Variants in MICU1 observed in about 807,000 individuals in gnomAD.
MICU1 encodes calcium uptake protein 1, mitochondrial.
Under a neutral mutation model 56.8 loss-of-function variants are expected in MICU1, and 45 were observed. That is an observed-to-expected ratio of 0.79 (90% CI 0.62 to 1.02). MICU1 has a LOEUF of 1.02. MICU1 is among the 50% of genes least tolerant of loss of function. The pLI, the probability that MICU1 is intolerant of heterozygous loss-of-function variation, is 0.00. For synonymous variants in MICU1, 186 were observed against 195.1 expected, an observed-to-expected ratio of 0.95 and a Z score of 0.39; for missense variants, 504 against 587.1, an observed-to-expected ratio of 0.86 and a Z score of 1.46.
At chr10:72,620,219 C>T (rs776304211) in intron 1 of MICU1, among the ~76,000 whole-genome samples, 1 of 152,158 alleles carries the variant, frequency 6.6e-6, no homozygotes, top group Non-Finnish European at 1.5e-5. Context: ...GAGTCTCACT[C>T]TGTCGCCCAG....
At chr10:72,386,405 C>T (rs1463638935) in intron 10 of MICU1, among the ~76,000 whole-genome samples, 1 of 152,142 alleles carries the variant, frequency 6.6e-6, no homozygotes. Flanking sequence ...TCGTCTTGAA[C>T]TCCTGACCTC....
chr10:72,456,849 T>TG (rs1865474537), intron 8 of MICU1, among the ~76,000 whole-genome samples: 2 of 134,548 alleles, frequency 1.5e-5, no homozygotes, highest in Non-Finnish European at 3.1e-5. Context: ...CGGGCTCATT[T>TG]TGTGTGTGTG....
chr10:72,455,223 G>A (rs896656191), intron 8 of MICU1, among the ~76,000 whole-genome samples: 2 of 151,504 alleles, frequency 1.3e-5, no homozygotes, highest in Admixed American at 1.3e-4. Flanking sequence ...GTGGTGGTGG[G>A]CGCCTGTAAT....
In MICU1 at chr10:72,368,311, G is replaced by A. The variant is rs1862214522; in HGVS notation, c.1315C>T (p.Gln439Ter). ...TTTTCCAGGCCTCTCATCAGCCGTT[G>A]CTTCATGATGGAAACAAATTCCTTA... is the stretch of plus-strand genomic sequence containing the variant. ...SNKEFVSIMK[Q>*]RLMRGLEKPK... Residue 439 changes from glutamine to a stop codon, truncating the protein, a stop_gained, in exon 12 of 12, where the codon CAA (glutamine) becomes TAA (stop). Transcript: ENST00000361114. LOFTEE classifies it high-confidence loss of function. 1 of 1,613,850 alleles carries A rather than the reference G, an allele frequency of 6.2e-7. No homozygotes were observed. The highest frequency in any genetic ancestry group is 1.7e-5 in the Admixed American group (1 of 60,004).
At position 72,477,954 on chromosome 10, in the gene MICU1, C is replaced by T. The variant is rs555955012; in HGVS notation, c.653-698G>A. 7.9e-5 allele frequency among the ~76,000 whole-genome samples: 12 copies of T among 151,718 alleles called. No homozygotes were observed. The East Asian group carries it at 1.4e-3, about 17-fold the overall frequency. On this transcript the variant is annotated intron_variant, in intron 6 of 11. Coordinates refer to ENST00000361114, the MANE Select transcript of MICU1 (RefSeq NM_001195518.2). The stretch of plus-strand genomic sequence containing the variant: ...TGCCATCTTGGCTCACTGCAACCTC[C>T]GCCTCCAGGGTTGAAGTGATGCTCA...
intron 8 of MICU1, among the ~76,000 whole-genome samples, chr10:72,447,653 A>T (rs1865146187): frequency 6.6e-6 from 1 of 152,110 alleles, no homozygotes; most frequent in South Asian, 2.1e-4. Context: ...CGAAAAAATC[A>T]TTGGTGTACA....
chr10:72,474,305 G>A (rs1426502281), intron 8 of MICU1, among the ~76,000 whole-genome samples: 1 of 149,368 alleles, frequency 6.7e-6, no homozygotes, highest in East Asian at 2.0e-4. Flanking sequence ...AAGAAAAGAG[G>A]TTGGGAAACA....
At chr10:72,615,751 G>A (rs1841962174) in intron 1 of MICU1, among the ~76,000 whole-genome samples, 1 of 152,106 alleles carries the variant, frequency 6.6e-6, no homozygotes, top group Admixed American at 6.6e-5. Context: ...AGCACTTTGG[G>A]AGGCCGAGGA....
chr10:72,500,302 A>ATATAT (rs1867021751), intron 6 of MICU1, among the ~76,000 whole-genome samples: 1 of 10,678 alleles, frequency 9.4e-5, no homozygotes, highest in Admixed American at 1.9e-3. Context: ...ATATATATAT[A>ATATAT]TTTTTTTTTT....
chr10:72,374,143 C>G (rs549620012), intron 11 of MICU1, among the ~76,000 whole-genome samples: 6 of 152,290 alleles, frequency 3.9e-5, no homozygotes, highest in African/African-American at 1.4e-4. Flanking sequence ...CTTTTTGAGA[C>G]AGGGTCTCAC....
chr10:72,471,484 G>C (rs1016102550), intron 8 of MICU1, among the ~76,000 whole-genome samples: 11 of 152,178 alleles, frequency 7.2e-5, no homozygotes, highest in African/African-American at 2.4e-4. Context: ...TGTGTTTCTA[G>C]GAACAAGTGT....
At chr10:72,606,172 T>TA (rs1841685881) in intron 1 of MICU1, among the ~76,000 whole-genome samples, 1 of 151,176 alleles carries the variant, frequency 6.6e-6, no homozygotes, top group African/African-American at 2.4e-5. Context: ...GTTACATAAC[T>TA]ATGTAAACCT....
At chr10:72,526,981 A>T (rs1867982275) in intron 5 of MICU1, among the ~76,000 whole-genome samples, 1 of 151,778 alleles carries the variant, frequency 6.6e-6, no homozygotes, top group African/African-American at 2.4e-5. Flanking sequence ...GTCAAGTGGT[A>T]CTCATGGTAT....
intron 1 of MICU1, among the ~76,000 whole-genome samples, chr10:72,606,374 C>A (rs566162976): frequency 6.6e-6 from 1 of 151,722 alleles, no homozygotes; most frequent in African/African-American, 2.4e-5. Flanking sequence ...ATTAGCCGGG[C>A]ATGGTGGTGG....
At chr10:72,484,394 T>C (rs1186789454) in intron 6 of MICU1, among the ~76,000 whole-genome samples, 2 of 149,866 alleles carry the variant, frequency 1.3e-5, no homozygotes, top group Non-Finnish European at 3.0e-5. Flanking sequence ...CCTGGTGAAA[T>C]GATGAATACC....
At chr10:72,375,664 G>A in intron 11 of MICU1, 119 bp downstream of exon 11, 1 of 857,448 alleles carries the variant, frequency 1.2e-6, no homozygotes, top group Non-Finnish European at 1.7e-6. Context: ...TGAGAAAGGT[G>A]GGTAGCTTGA....
intron 6 of MICU1, chr10:72,477,715 T>G (rs1036359656): frequency 3.2e-6 from 2 of 625,072 alleles, no homozygotes; most frequent in African/African-American, 3.7e-5. Context: ...TTGTTCTTTC[T>G]AGTCTCTTTG....
At chr10:72,623,450 T>C (rs1842158417) in intron 1 of MICU1, among the ~76,000 whole-genome samples, 1 of 151,652 alleles carries the variant, frequency 6.6e-6, no homozygotes, top group Non-Finnish European at 1.5e-5. Context: ...TTAAAAAAAC[T>C]GGTTCTAGTG....
chr10:72,590,860 A>C lies in MICU1; in HGVS notation c.-1-24066T>G, dbSNP rs1463789657. On this transcript the variant is annotated intron_variant, in intron 1 of 11. Coordinates refer to ENST00000361114, the MANE Select transcript of MICU1 (RefSeq NM_001195518.2). The stretch of plus-strand genomic sequence containing the variant: ...ATAAATAAAAATTAAAAAAAAAAAA[A>C]ACAGAAGACAAACAACACAAGTAAA... 3.3e-5 allele frequency among the ~76,000 whole-genome samples: 5 copies of C among 150,994 alleles called. No individual in the cohort carries two copies. In the East Asian group the frequency reaches 9.6e-4, roughly 29 times the overall value.
Sources: gnomAD v4.1 joint callset for allele counts (sites outside exome capture counted in the v4.1 genomes callset) on GRCh38, gnomAD v4.1.1 for gene constraint, MANE v1.5 for transcripts, NCBI Gene and HGNC (gene_info 2026-07-23, HGNC 2026-07-21) for gene names.